The following CSF1R variants were observed in gnomAD, a reference collection of about 807,000 sequenced individuals.
CSF1R encodes the protein macrophage colony-stimulating factor 1 receptor.
A neutral mutation model predicts 110.0 loss-of-function variants in CSF1R; 40 were observed. The ratio of observed to expected loss-of-function variants is 0.36; its 90% CI spans 0.28 to 0.47. The LOEUF is 0.47. Among genes scored for constraint, CSF1R ranks in the 20% least tolerant of loss-of-function variants. CSF1R has a pLI of 0.99. For missense variants in CSF1R, 1,052 were observed against 1,253.0 expected, an observed-to-expected ratio of 0.84 and a Z score of 2.42; for synonymous variants, 523 against 503.4, an observed-to-expected ratio of 1.04 and a Z score of -0.52.
At chr5:150,091,245 A>G (rs1053368591), upstream of CSF1R, among the ~76,000 whole-genome samples, 58 of 152,228 alleles carry the variant, frequency 3.8e-4, no homozygotes, top group African/African-American at 1.3e-3. Flanking sequence ...CAAAAAGTTA[A>G]ACATAGAATT....
At chr5:150,067,157 G>A (rs891625921) in intron 10 of CSF1R, 2 of 151,542 alleles carry the variant, frequency 1.3e-5, no homozygotes, top group African/African-American at 4.9e-5. Flanking sequence ...AGGGACAGAA[G>A]CCCCTGGGGC....
chr5:150,098,996 C>T (rs1470807870), intron 1 of CSF1R, among the ~76,000 whole-genome samples: 5 of 149,448 alleles, frequency 3.3e-5, no homozygotes, highest in East Asian at 3.9e-4. Flanking sequence ...CAGGTTCAAG[C>T]GATTCTCCTG....
In CSF1R at chr5:150,080,278, G is replaced by A. The variant is rs764814820; in HGVS notation, c.366C>T (p.Asp122=). 7.4e-6 allele frequency: 12 copies of A among 1,613,966 alleles called. No homozygotes were observed. Among genetic ancestry groups the A allele is most frequent in the South Asian group, 5.5e-5 (5 of 91,082 alleles). Residue 122 remains aspartate (D), a synonymous_variant, in exon 3 of 21, where the codon GAC becomes GAT. Transcript: ENST00000675795. ...AQEVVVFEDQ[D]ALLPCLLTDP... is the part of the protein sequence containing the mutation. ...CTGTGAGCAGACAGGGCAGTAGTGC[G>A]TCCTGGTCCTCGAACACGACCACCT...
intron 1 of CSF1R, among the ~76,000 whole-genome samples, chr5:150,101,223 G>A (rs1176230782): frequency 1.3e-5 from 2 of 152,172 alleles, no homozygotes; most frequent in Non-Finnish European, 2.9e-5. Context: ...CTCCTTGCCT[G>A]CGGATGCTGC....
chr5:150,055,428 TC>T, intron 18 of CSF1R, 92 bp from the exon 19 acceptor site: 1 of 1,096,244 alleles, frequency 9.1e-7, no homozygotes, highest in Non-Finnish European at 1.4e-6. Flanking sequence ...GTTTAAAGGG[TC>T]CCACTTGACA....
In CSF1R at chr5:150,060,992, T is replaced by A; in HGVS notation, c.1859-20A>T. 1 of 1,548,996 alleles carries A rather than the reference T, an allele frequency of 6.5e-7. No individual in the cohort carries two copies. The highest frequency in any genetic ancestry group is 8.8e-7 in the Non-Finnish European group (1 of 1,134,772). ...CCGTGGCTGGGAGGAAGAACCACAG[T>A]CCCAAAGACAGGGAGAGGGCAGGAC... On this transcript the variant is annotated intron_variant, in intron 12 of 20. Transcript: ENST00000675795.
intron 6 of CSF1R, among the ~76,000 whole-genome samples, chr5:150,070,797 C>T (rs1028682126): frequency 6.6e-6 from 1 of 152,074 alleles, no homozygotes; most frequent in African/African-American, 2.4e-5. Context: ...GTGTTTTTTT[C>T]CCGAGGTTTA....
At chr5:150,077,654 G>C (rs1758330032) in intron 4 of CSF1R, among the ~76,000 whole-genome samples, 1 of 152,176 alleles carries the variant, frequency 6.6e-6, no homozygotes, top group African/African-American at 2.4e-5. Context: ...CTGGAACACG[G>C]CAGGTGCAGT....
chr5:150,082,577 G>T (rs1475881004), intron 1 of CSF1R, among the ~76,000 whole-genome samples: 1 of 152,230 alleles, frequency 6.6e-6, no homozygotes, highest in African/African-American at 2.4e-5. Flanking sequence ...CAGAGCTGGG[G>T]CTGCCCTATC....
chr5:150,080,286 C>G lies in CSF1R; in HGVS notation c.358G>C (p.Asp120His). The G allele has an allele frequency of 6.2e-7, 1 of 1,613,940 alleles. No homozygotes were observed. The highest frequency in any genetic ancestry group is 8.5e-7 in the Non-Finnish European group (1 of 1,180,048). ...AGACAGGGCAGTAGTGCGTCCTGGTCCTCGAACACGACCACCTCCTGTGCT... is the reference window on the plus strand; with the variant it reads ...AGACAGGGCAGTAGTGCGTCCTGGTGCTCGAACACGACCACCTCCTGTGCT... ...VLAQEVVVFE[D>H]QDALLPCLLT... Residue 120 changes from aspartate (D) to histidine (H), a missense_variant, in exon 3 of 21, where the codon GAC becomes CAC. Around this residue, in one of 5 missense-constraint regions of CSF1R, gnomAD observed 693 missense variants for 735.4 expected, o/e 0.94. Coordinates refer to ENST00000675795, the MANE Select transcript of CSF1R (RefSeq NM_001288705.3).
intron 18 of CSF1R, 131 bp downstream of exon 18, chr5:150,055,895 G>A (rs1029428997): frequency 7.8e-6 from 6 of 768,500 alleles, no homozygotes; most frequent in South Asian, 7.4e-5. Flanking sequence ...GCTGGGTTTC[G>A]AGAGCCCTTG....
upstream of CSF1R, among the ~76,000 whole-genome samples, chr5:150,088,934 G>C (rs1461152487): frequency 6.6e-6 from 1 of 152,152 alleles, no homozygotes; most frequent in East Asian, 1.9e-4. Flanking sequence ...ATGAAAATCA[G>C]GGTAATACAT....
intron 5 of CSF1R, chr5:150,076,810 C>T (rs74724291): frequency 0.012 from 2,800 of 237,538 alleles, 73 homozygotes; most frequent in African/African-American, 0.058. Context: ...CACCCTTCTG[C>T]CCGGCCAACT....
chr5:150,070,627 A>G, intron 6 of CSF1R, 56 bp from the exon 7 acceptor site: 2 of 1,254,792 alleles, frequency 1.6e-6, no homozygotes, highest in Non-Finnish European at 2.2e-6. Flanking sequence ...GGCCCCTGCC[A>G]GGATTGCAGT....
chr5:150,055,997 C>G (rs1757195544), intron 18 of CSF1R, 29 bp downstream of exon 18: 1 of 1,604,298 alleles, frequency 6.2e-7, no homozygotes, highest in Non-Finnish European at 8.5e-7. Context: ...CAGCCCCAGG[C>G]TCTGCCTGGA....
chr5:150,055,695 G>T (rs954874491), intron 18 of CSF1R, among the ~76,000 whole-genome samples: 1 of 152,242 alleles, frequency 6.6e-6, no homozygotes, highest in South Asian at 2.1e-4. Context: ...GGAAATAGCA[G>T]TTCTTTCTAC....
At chr5:150,105,357 A>AT (rs1317813717) in intron 1 of CSF1R, among the ~76,000 whole-genome samples, 6 of 101,086 alleles carry the variant, frequency 5.9e-5, no homozygotes, top group Admixed American at 1.1e-4. Flanking sequence ...CAAAAAAAAA[A>AT]AAAAAAATAT....
chr5:150,055,200 G>T (rs746689440), intron 19 of CSF1R, 37 bp downstream of exon 19: 4 of 1,571,396 alleles, frequency 2.5e-6, no homozygotes, highest in South Asian at 1.1e-5. Context: ...CGAAAGCCTG[G>T]GGTGTCCTTT....
chr5:150,082,362 C>T (rs1037418533), intron 1 of CSF1R, among the ~76,000 whole-genome samples: 1 of 152,236 alleles, frequency 6.6e-6, no homozygotes, highest in African/African-American at 2.4e-5. Context: ...CTCTCAAGTC[C>T]TTTCAGGATG....
Sources: allele counts gnomAD v4.1 joint callset (sites outside exome capture counted in the v4.1 genomes callset), GRCh38; gene constraint gnomAD v4.1.1; regional missense constraint gnomAD v4.1.1; transcripts MANE v1.5; gene names NCBI Gene and HGNC (gene_info 2026-07-23, HGNC 2026-07-21).